Variants in NKD1 observed in about 807,000 individuals in gnomAD.
The protein encoded by NKD1 is protein naked cuticle homolog 1.
NKD1 carries 21 observed loss-of-function variants against 56.0 expected under a neutral mutation model. The ratio of observed to expected loss-of-function variants is 0.38; its 90% CI spans 0.27 to 0.54. NKD1 has a LOEUF of 0.54. Among genes scored for constraint, NKD1 ranks in the 20% least tolerant of loss-of-function variants. The pLI, the probability that NKD1 is intolerant of heterozygous loss-of-function variation, is 0.82. For missense variants in NKD1, 578 were observed against 642.7 expected, an observed-to-expected ratio of 0.90 and a Z score of 1.09; for synonymous variants, 263 against 265.7, an observed-to-expected ratio of 0.99 and a Z score of 0.10.
chr16:50,565,428 C>T (rs770414759), intron 3 of NKD1, among the ~76,000 whole-genome samples: 42 of 151,790 alleles, frequency 2.8e-4, no homozygotes, highest in Non-Finnish European at 5.0e-4. Context: ...CTTGTAATCA[C>T]AGCACTTTGG....
chr16:50,589,513 G>A (rs1161048358), intron 3 of NKD1, among the ~76,000 whole-genome samples: 1 of 152,152 alleles, frequency 6.6e-6, no homozygotes, highest in East Asian at 1.9e-4. Flanking sequence ...TAGTCAGCCT[G>A]GTCGGGGGCA....
At chr16:50,628,802 C>T (rs1016879798) in intron 6 of NKD1, among the ~76,000 whole-genome samples, 4 of 152,136 alleles carry the variant, frequency 2.6e-5, no homozygotes, top group Non-Finnish European at 1.5e-5. Context: ...GGTGGCTTAG[C>T]AGAAATTTAT....
In NKD1 at chr16:50,587,405, A is replaced by T. The variant is rs551715011; in HGVS notation, c.193-20889A>T. On this transcript the variant is annotated intron_variant, in intron 3 of 9. Transcript: ENST00000268459. Reference sequence around the variant, plus strand: ...ACCTAACCTAGTAGAAAATAGTAGAATCGTCACCTCCCAAAATATAGGTGT... The same window carrying T: ...ACCTAACCTAGTAGAAAATAGTAGATTCGTCACCTCCCAAAATATAGGTGT... Among the ~76,000 whole-genome samples, 3 of 152,338 alleles carry T rather than the reference A, an allele frequency of 2.0e-5. No homozygotes were observed. In the South Asian group the frequency reaches 6.2e-4, roughly 32 times the overall value.
chr16:50,574,273 C>A (rs745820030), intron 3 of NKD1: 626 of 985,252 alleles, frequency 6.4e-4, no homozygotes, highest in Non-Finnish European at 7.2e-4. Context: ...GGTACACAGG[C>A]CTTGGACAGT....
chr16:50,636,766 A>G lies in NKD1; in HGVS notation c.*2985A>G, dbSNP rs796766400. On this transcript the variant is annotated 3_prime_UTR_variant, in exon 10 of 10. Coordinates refer to ENST00000268459, the MANE Select transcript of NKD1 (RefSeq NM_033119.5). The stretch of plus-strand genomic sequence containing the variant: ...TTTTGTTAATTTTTAAAGTATTTCA[A>G]ACACAAAGTTTGAAACAGAAAATTG... The G allele has an allele frequency of 6.6e-5, 10 of 152,360 alleles. No individual in the cohort carries two copies. The highest frequency in any genetic ancestry group is 2.4e-4 in the African/African-American group (10 of 41,568). The allele number at this position is 152,360 out of a possible 1,614,324, so 9.4% of individuals were successfully genotyped here. A position where few individuals can be genotyped will look rare whatever the true frequency, so the allele number is the denominator to read the frequency against.
At chr16:50,587,521 T>C (rs1961257107) in intron 3 of NKD1, among the ~76,000 whole-genome samples, 1 of 152,242 alleles carries the variant, frequency 6.6e-6, no homozygotes, top group Non-Finnish European at 1.5e-5. Context: ...CTCTGGCTTC[T>C]ATGTCTGACA....
At chr16:50,569,518 G>C (rs1185695441) in intron 3 of NKD1, among the ~76,000 whole-genome samples, 2 of 152,014 alleles carry the variant, frequency 1.3e-5, no homozygotes, top group Non-Finnish European at 2.9e-5. Context: ...TCTTTGTTCT[G>C]CCCTGGGTTG....
At chr16:50,618,313 GAGGCA>G (rs1962008600) in intron 4 of NKD1, among the ~76,000 whole-genome samples, 2 of 152,108 alleles carry the variant, frequency 1.3e-5, no homozygotes, top group Admixed American at 1.3e-4. Flanking sequence ...ACAGGAATCA[GAGGCA>G]GAGAATGGAC....
Position 50,635,779 on chromosome 16 carries a change from C to G in NKD1, c.*1998C>G, listed in dbSNP as rs542458332. On this transcript the variant is annotated 3_prime_UTR_variant, in exon 10 of 10. Coordinates refer to ENST00000268459, the MANE Select transcript of NKD1 (RefSeq NM_033119.5). This position sits in a 1 kb window ranked among gnomAD's most constrained non-coding sequence, Gnocchi z 4.1. Reference sequence around the variant, plus strand: ...CCACTCGATCCCTTCGCCACTGGTGCAGAGCTTAATCACGGCCATGGGCTG... The same window carrying G: ...CCACTCGATCCCTTCGCCACTGGTGGAGAGCTTAATCACGGCCATGGGCTG... 3 of 152,356 alleles carry G rather than the reference C, an allele frequency of 2.0e-5. No homozygotes were observed. In the East Asian group the frequency reaches 5.8e-4, roughly 29 times the overall value. The allele number at this position is 152,356 out of a possible 1,614,324, so 9.4% of individuals were successfully genotyped here. A position where few individuals can be genotyped will look rare whatever the true frequency, so the allele number is the denominator to read the frequency against.
chr16:50,629,056 C>T (rs780920085), intron 6 of NKD1, among the ~76,000 whole-genome samples: 7 of 151,790 alleles, frequency 4.6e-5, no homozygotes, highest in Non-Finnish European at 1.0e-4. Context: ...GCCTCAAACT[C>T]CTAGGCTCAA....
At chr16:50,616,018 T>C (rs931089390) in intron 4 of NKD1, 9 of 451,322 alleles carry the variant, frequency 2.0e-5, no homozygotes, top group Non-Finnish European at 3.1e-5. Flanking sequence ...CAGAGGCTAA[T>C]ATTAAAATTC....
intron 3 of NKD1, among the ~76,000 whole-genome samples, chr16:50,586,143 A>T (rs1308893540): frequency 2.0e-5 from 3 of 152,158 alleles, no homozygotes; most frequent in Non-Finnish European, 4.4e-5. Flanking sequence ...CCTCCATGCC[A>T]GGTCCATTTC....
intron 6 of NKD1, among the ~76,000 whole-genome samples, chr16:50,627,697 T>C (rs535695523): frequency 6.6e-6 from 1 of 152,314 alleles, no homozygotes; most frequent in African/African-American, 2.4e-5. Flanking sequence ...TGCTCCCCCT[T>C]CAGGCGTTCG....
intron 6 of NKD1, among the ~76,000 whole-genome samples, chr16:50,629,057 C>T (rs1962286199): frequency 6.6e-6 from 1 of 151,934 alleles, no homozygotes; most frequent in African/African-American, 2.4e-5. Context: ...CCTCAAACTC[C>T]TAGGCTCAAA....
At position 50,633,526 on chromosome 16, in the gene NKD1, C is replaced by T. The variant is rs1169867997; in HGVS notation, c.1158C>T (p.Ala386=). Residue 386 remains alanine (A), a synonymous_variant, in exon 10 of 10, where the codon GCC becomes GCT. Transcript: ENST00000268459. This position sits in a 1 kb window ranked among gnomAD's most constrained non-coding sequence, Gnocchi z 4.9. ...TGTCCCCCTCCGCCCACCTGGCTGC[C>T]AGCCCGGCCCTCCTCCCCTCCCTAG... ...PAVSPSAHLA[A]SPALLPSLAP... is the part of the protein sequence containing the mutation. 6.2e-7 allele frequency: 1 copy of T among 1,610,800 alleles called. No homozygotes were observed.
rs1440798888 is a variant in NKD1 at position 50,648,421 on chromosome 16, C to T, written c.*14640C>T. On this transcript the variant is annotated 3_prime_UTR_variant, in exon 10 of 10. Transcript: ENST00000268459. Reference sequence around the variant, plus strand: ...CTGGAAAACATTAGGCACTCAGAATCAAGGGTTCTGGGGTCAGATGGATAA... The same window carrying T: ...CTGGAAAACATTAGGCACTCAGAATTAAGGGTTCTGGGGTCAGATGGATAA... 6.5e-6 allele frequency: 1 copy of T among 152,728 alleles called. No individual in the cohort carries two copies. The highest frequency in any genetic ancestry group is 1.5e-5 in the Non-Finnish European group (1 of 68,064). 9.5% of individuals were successfully genotyped at this position (152,728 alleles called of 1,614,324 possible).
intron 3 of NKD1, chr16:50,606,759 A>G (rs1193956968): frequency 2.2e-6 from 1 of 455,462 alleles, no homozygotes; most frequent in Non-Finnish European, 4.4e-6. Context: ...AGACCTCAGC[A>G]TGAAGAGGTG....
chr16:50,575,095 GTT>G (rs113190052), intron 3 of NKD1: 78 of 805,040 alleles, frequency 9.7e-5, no homozygotes, highest in Middle Eastern at 6.2e-4. Flanking sequence ...GTAAGTAGGT[GTT>G]TTTTTTTTTT....
Position 50,633,805 on chromosome 16 carries a change from T to TGCAATATGAAGGACCCCACCCC in NKD1, c.*26_*27insAATATGAAGGACCCCACCCCGC. 7.6e-7 allele frequency: 1 copy of TGCAATATGAAGGACCCCACCCC among 1,323,178 alleles called. No individual in the cohort carries two copies. The highest frequency in any genetic ancestry group is 1.0e-6 in the Non-Finnish European group (1 of 989,268). 82.0% of individuals were successfully genotyped at this position (1,323,178 alleles called of 1,614,324 possible). ...AGAGCCCCTCCCCAGGGCCCCACCC[T>TGCAATATGAAGGACCCCACCCC]GCCATATGAAGGACCCCACCCCCGA... On this transcript the variant is annotated 3_prime_UTR_variant, in exon 10 of 10. Coordinates refer to ENST00000268459, the MANE Select transcript of NKD1 (RefSeq NM_033119.5). The surrounding 1 kb of genome is among the most constrained non-coding windows in gnomAD (Gnocchi z 4.9).
Sources: allele counts gnomAD v4.1 joint callset (sites outside exome capture counted in the v4.1 genomes callset), GRCh38; gene constraint gnomAD v4.1.1; non-coding constraint Gnocchi (gnomAD v3.1); transcripts MANE v1.5; gene names NCBI Gene and HGNC (gene_info 2026-07-23, HGNC 2026-07-21).